EPHA10: variants seen among roughly 807,000 people sequenced by gnomAD.
The protein encoded by EPHA10 is EPH receptor A10.
EPHA10 carries 120 observed loss-of-function variants against 109.7 expected under a neutral mutation model. That is an observed-to-expected ratio of 1.09 (90% confidence interval 0.94 to 1.27). The LOEUF is 1.27. Ranked by LOEUF, EPHA10 falls within the 50% of genes most tolerant of loss-of-function variation. The pLI is 0.00. For missense variants in EPHA10, 1,396 were observed against 1,411.1 expected, an observed-to-expected ratio of 0.99 and a Z score of 0.17; for synonymous variants, 640 against 618.9, an observed-to-expected ratio of 1.03 and a Z score of -0.51.
In EPHA10 at chr1:37,753,114, G is replaced by C. The variant is rs1473922262; in HGVS notation, c.1119C>G (p.Tyr373Ter). 2 of 1,396,054 alleles carry C rather than the reference G, an allele frequency of 1.4e-6. No individual in the cohort carries two copies. Among genetic ancestry groups the C allele is most frequent in the Non-Finnish European group, 1.9e-6 (2 of 1,074,472 alleles). 86.5% of individuals were successfully genotyped at this position (1,396,054 alleles called of 1,614,324 possible). ...ADSGGRSDVTYSLLCLRCGRE... is the reference protein window; with the variant it reads ...ADSGGRSDVT ...GGCCGCAGCGCAGGCACAGCAGCGA[G>C]TAGGTGACGTCCGAGCGGCCTCCCG... The change falls in exon 5 of 17, where the codon TAC becomes TAG. Residue 373 changes from tyrosine (Y) to a stop codon, truncating the protein, a stop_gained. Coordinates refer to ENST00000373048, the MANE Select transcript of EPHA10 (RefSeq NM_001099439.2). LOFTEE classifies it high-confidence loss of function.
chr1:37,745,379 T>C (rs1301672015), intron 5 of EPHA10, among the ~76,000 whole-genome samples: 1 of 152,154 alleles, frequency 6.6e-6, no homozygotes, highest in South Asian at 2.1e-4. Flanking sequence ...AGACAAACAA[T>C]AACAAGTATT....
intron 5 of EPHA10, among the ~76,000 whole-genome samples, chr1:37,735,748 T>C (rs2148337115): frequency 6.6e-6 from 1 of 152,130 alleles, no homozygotes; most frequent in Non-Finnish European, 1.5e-5. Context: ...CTTGGAGACA[T>C]AAGAGAGCAT....
Position 37,754,169 on chromosome 1 carries a change from CT to C in EPHA10, c.1006+45del. 1 of 1,263,518 alleles carries C rather than the reference CT, an allele frequency of 7.9e-7. No individual in the cohort carries two copies. The highest frequency in any genetic ancestry group is 1.0e-6 in the Non-Finnish European group (1 of 997,074). The allele number at this position is 1,263,518 out of a possible 1,614,324, so 78.3% of individuals were successfully genotyped here. A position where few individuals can be genotyped will look rare whatever the true frequency, so the allele number is the denominator to read the frequency against. On this transcript the variant is annotated intron_variant, in intron 4 of 16. Transcript: ENST00000373048. The surrounding 1 kb of genome is among the most constrained non-coding windows in gnomAD (Gnocchi z 4.5). The stretch of plus-strand genomic sequence containing the variant: ...TGGATCAGGCCTTCCTTCTTGGCCA[CT>C]CCCACCCCCCACCCTCCGCAGTGCA...
At chr1:37,724,332 G>C (rs565553384) in intron 8 of EPHA10, among the ~76,000 whole-genome samples, 32 of 152,184 alleles carry the variant, frequency 2.1e-4, no homozygotes, top group Non-Finnish European at 3.2e-4. Context: ...AGGCCTGGGG[G>C]ATAAGCAGGG....
intron 5 of EPHA10, among the ~76,000 whole-genome samples, chr1:37,743,041 C>T (rs1646179103): frequency 6.6e-6 from 1 of 151,838 alleles, no homozygotes; most frequent in Non-Finnish European, 1.5e-5. Flanking sequence ...ATCAGTTAGA[C>T]TGAGATTTAT....
In EPHA10 at chr1:37,761,101, AAAAC is replaced by A; in HGVS notation, c.850+300_850+303del. ...AGACTCCTTATTTTAAAAAAAAAAA[AAAAC>A]AATGACTTCCTTTATTGCCATGAAA... On this transcript the variant is annotated intron_variant, in intron 3 of 16. Coordinates refer to ENST00000373048, the MANE Select transcript of EPHA10 (RefSeq NM_001099439.2). 2.5e-5 allele frequency: 30 copies of A among 1,184,656 alleles called. 1 individual carries two copies. The highest frequency in any genetic ancestry group is 7.8e-5 in the Admixed American group (2 of 25,490). The allele number at this position is 1,184,656 out of a possible 1,614,324, so 73.4% of individuals were successfully genotyped here.
At position 37,753,141 on chromosome 1, in the gene EPHA10, G is replaced by A. The variant is rs894704926; in HGVS notation, c.1092C>T (p.Asp364=). The change falls in exon 5 of 17, where the codon GAC becomes GAT. Residue 364 remains aspartate, a synonymous_variant. Transcript: ENST00000373048. ...AGGTGACGTCCGAGCGGCCTCCCGA[G>A]TCGGCCGGCGGCAGCCAGCGCAGTC... ...VLRLRWLPPA[D]SGGRSDVTYS... is the part of the protein sequence containing the mutation. 6 of 1,407,836 alleles carry A rather than the reference G, an allele frequency of 4.3e-6. No individual in the cohort carries two copies. The highest frequency in any genetic ancestry group is 1.5e-5 in the African/African-American group (1 of 66,796). 87.2% of individuals were successfully genotyped at this position (1,407,836 alleles called of 1,614,324 possible).
downstream of EPHA10, among the ~76,000 whole-genome samples, chr1:37,714,358 CAT>C (rs1645662699): frequency 1.3e-5 from 2 of 152,194 alleles, no homozygotes; most frequent in Non-Finnish European, 2.9e-5. Context: ...TCCATGAGTA[CAT>C]ATGTGTTCAC....
chr1:37,726,757 C>G (rs1057213466), intron 8 of EPHA10, among the ~76,000 whole-genome samples: 1 of 152,222 alleles, frequency 6.6e-6, no homozygotes. Flanking sequence ...TCAAGAGGCC[C>G]GGGGACAGGG....
chr1:37,744,870 C>A (rs1646207460), intron 5 of EPHA10, among the ~76,000 whole-genome samples: 1 of 152,144 alleles, frequency 6.6e-6, no homozygotes, highest in Non-Finnish European at 1.5e-5. Context: ...CAGAGGTAAT[C>A]AAGTTAAAAT....
chr1:37,753,273 C>G lies in EPHA10; in HGVS notation c.1007-47G>C, dbSNP rs183108953. The G allele has an allele frequency of 2.1e-4, 38 of 184,060 alleles. 1 individual carries two copies. The South Asian group carries it at 6.7e-3, about 32-fold the overall frequency. 11.4% of individuals were successfully genotyped at this position (184,060 alleles called of 1,614,324 possible). A position where few individuals can be genotyped will look rare whatever the true frequency, so the allele number is the denominator to read the frequency against. Reference sequence around the variant, plus strand: ...GCGGTCAGGGCGGGGCGTGGGTGCCCGTGAGAGGGGCGGGATGCACGAGGG... The same window carrying G: ...GCGGTCAGGGCGGGGCGTGGGTGCCGGTGAGAGGGGCGGGATGCACGAGGG... On this transcript the variant is annotated intron_variant, in intron 4 of 16. Transcript: ENST00000373048.
intron 5 of EPHA10, among the ~76,000 whole-genome samples, chr1:37,736,581 G>A (rs372354892): frequency 8.6e-5 from 13 of 151,256 alleles, no homozygotes; most frequent in Admixed American, 2.0e-4. Context: ...GGTGGTGCGC[G>A]CCTGTAGTCC....
chr1:37,731,352 T>C, intron 7 of EPHA10, 59 bp downstream of exon 7: 1 of 1,487,580 alleles, frequency 6.7e-7, no homozygotes, highest in Admixed American at 2.2e-5. Flanking sequence ...TCTCCCTACC[T>C]CAGCCCCGTG....
intron 15 of EPHA10, chr1:37,719,058 G>C (rs902572000): frequency 1.6e-6 from 1 of 609,570 alleles, no homozygotes; most frequent in African/African-American, 1.9e-5. Context: ...AACAGTCTGG[G>C]GTAGGACACG....
At chr1:37,733,864 C>A (rs917302845) in intron 6 of EPHA10, among the ~76,000 whole-genome samples, 9 of 152,094 alleles carry the variant, frequency 5.9e-5, no homozygotes, top group Non-Finnish European at 1.3e-4. Flanking sequence ...TTCAGACCTG[C>A]AAGTCTACCT....
intron 9 of EPHA10, 72 bp from the exon 10 acceptor site, chr1:37,723,238 G>A (rs1176269072): frequency 6.2e-7 from 1 of 1,607,238 alleles, no homozygotes; most frequent in African/African-American, 1.3e-5. Context: ...CTCATGCAGT[G>A]TAGCAAGGCA....
chr1:37,751,771 G>A (rs534151400), intron 5 of EPHA10, among the ~76,000 whole-genome samples: 7 of 151,724 alleles, frequency 4.6e-5, no homozygotes, highest in African/African-American at 1.7e-4. Flanking sequence ...TACTCGGGAG[G>A]CTAAGGCAGG....
chr1:37,718,581 T>A, intron 16 of EPHA10, 80 bp downstream of exon 16: 1 of 1,611,942 alleles, frequency 6.2e-7, no homozygotes, highest in African/African-American at 1.3e-5. Context: ...TCTGGACAGG[T>A]TGGGACTCCC....
In EPHA10 at chr1:37,754,432, G is replaced by A. The variant is rs1646376190; in HGVS notation, c.851-62C>T. On this transcript the variant is annotated intron_variant, in intron 3 of 16. Coordinates refer to ENST00000373048, the MANE Select transcript of EPHA10 (RefSeq NM_001099439.2). This position sits in a 1 kb window ranked among gnomAD's most constrained non-coding sequence, Gnocchi z 4.5. Reference sequence around the variant, plus strand: ...CAGTTTCTCCCCGCTTTCCTGACTGGCCTGGTTAGGGCAGCGTTTATCTCC... The same window carrying A: ...CAGTTTCTCCCCGCTTTCCTGACTGACCTGGTTAGGGCAGCGTTTATCTCC... 5 of 1,259,020 alleles carry A rather than the reference G, an allele frequency of 4.0e-6. No homozygotes were observed. Among genetic ancestry groups the A allele is most frequent in the Non-Finnish European group, 5.0e-6 (5 of 998,200 alleles). 78.0% of individuals were successfully genotyped at this position (1,259,020 alleles called of 1,614,324 possible).
Sources: allele counts gnomAD v4.1 joint callset (sites outside exome capture counted in the v4.1 genomes callset), GRCh38; gene constraint gnomAD v4.1.1; non-coding constraint Gnocchi (gnomAD v3.1); transcripts MANE v1.5; gene names NCBI Gene and HGNC (gene_info 2026-07-23, HGNC 2026-07-21).